The following ARHGEF6 variants were observed in gnomAD, a reference collection of about 807,000 sequenced individuals.
ARHGEF6 encodes the protein rho guanine nucleotide exchange factor 6.
In ARHGEF6, 9 loss-of-function variants were observed where a neutral mutation model predicts 70.3. The observed-to-expected ratio is 0.13, with a 90% CI of 0.08 to 0.22. ARHGEF6 has a LOEUF of 0.22. Ranked by LOEUF, ARHGEF6 falls within the 10% of genes least tolerant of loss-of-function variation. ARHGEF6 has a pLI of 1.00. For missense variants in ARHGEF6, 470 were observed against 563.0 expected (o/e 0.83, Z 1.67); for synonymous variants, 201 against 207.8 (o/e 0.97, Z 0.28).
At chrX:136,701,035 CAGTG>C (rs1338619916) in intron 9 of ARHGEF6, among the ~76,000 whole-genome samples, 3 of 111,342 alleles carry the variant, frequency 2.7e-5, no homozygotes, top group Non-Finnish European at 5.7e-5. Flanking sequence ...GCTGAGGAAA[CAGTG>C]AGCTTCAAGA....
chrX:136,777,597 T>C (rs5930989), intron 2 of ARHGEF6, among the ~76,000 whole-genome samples: 28,953 of 110,199 alleles, frequency 0.26, 2,880 homozygotes, highest in South Asian at 0.41. Context: ...TACTACTGAG[T>C]ATCTACCCAG....
intron 2 of ARHGEF6, among the ~76,000 whole-genome samples, chrX:136,772,314 A>G (rs2077369076): frequency 8.9e-6 from 1 of 112,296 alleles, no homozygotes; most frequent in African/African-American, 3.2e-5. Flanking sequence ...AAAAAAATTG[A>G]AAGAATGAAT....
intron 16 of ARHGEF6, among the ~76,000 whole-genome samples, chrX:136,678,158 G>C (rs1047014343): frequency 3.6e-5 from 4 of 111,579 alleles, no homozygotes; most frequent in Admixed American, 2.9e-4. Flanking sequence ...ACAGTTCTGT[G>C]CAGAATAACA....
intron 2 of ARHGEF6, among the ~76,000 whole-genome samples, chrX:136,772,043 G>A (rs1173217404): frequency 8.9e-6 from 1 of 112,378 alleles, no homozygotes; most frequent in Non-Finnish European, 1.9e-5. Flanking sequence ...TAAAGAAAAT[G>A]TGGTATGTAT....
chrX:136,772,032 A>C (rs2077367042), intron 2 of ARHGEF6, among the ~76,000 whole-genome samples: 1 of 112,413 alleles, frequency 8.9e-6, no homozygotes, highest in Non-Finnish European at 1.9e-5. Flanking sequence ...AAATGAATGG[A>C]TAAAGAAAAT....
rs1222362897 is a variant in ARHGEF6, at chrX:136,669,533, G to C, written c.2139C>G (p.Ser713Arg). 1.7e-6 allele frequency: 2 copies of C among 1,204,738 alleles called. No individual in the cohort carries two copies. Among genetic ancestry groups the C allele is most frequent in the Non-Finnish European group, 2.2e-6 (2 of 889,347 alleles). The change falls in exon 21 of 22, where the codon AGC (serine) becomes AGG (arginine). Residue 713 changes from serine to arginine, a missense_variant. By Grantham distance (110) the Ser-to-Arg change is moderately radical. Coordinates refer to ENST00000250617, the MANE Select transcript of ARHGEF6 (RefSeq NM_004840.3). ...TCAAGGCGTAAACAGTATCAACAAG[G>C]CTCCTAGAAAATAAAGATAAAATTC... The part of the protein sequence containing the change: ...SNGQTIMEEK[S>R]LVDTVYALKD...
chrX:136,727,295 G>A, intron 6 of ARHGEF6, among the ~76,000 whole-genome samples: 1 of 107,602 alleles, frequency 9.3e-6, no homozygotes, highest in Non-Finnish European at 1.9e-5. Context: ...GTGTGGCCCA[G>A]ATGTCTGTAG....
chrX:136,670,336 C>A (rs923752318), intron 20 of ARHGEF6, among the ~76,000 whole-genome samples: 1 of 111,646 alleles, frequency 9.0e-6, no homozygotes, highest in Admixed American at 9.5e-5. Context: ...TCAACAAAGG[C>A]GGAAAAAGAA....
chrX:136,684,913 G>A (rs1201147965), intron 12 of ARHGEF6, among the ~76,000 whole-genome samples: 2 of 111,679 alleles, frequency 1.8e-5, no homozygotes, highest in Non-Finnish European at 3.8e-5. Flanking sequence ...TATATAGGTC[G>A]CAGATTAGTG....
intron 2 of ARHGEF6, among the ~76,000 whole-genome samples, chrX:136,778,775 G>A (rs776429188): frequency 1.8e-5 from 2 of 111,367 alleles, no homozygotes; most frequent in South Asian, 7.5e-4. Flanking sequence ...CATCATGCCC[G>A]GCCTTATTTG....
At chrX:136,682,166 C>T (rs971484614) in intron 13 of ARHGEF6, among the ~76,000 whole-genome samples, 198 bp from the exon 14 acceptor site, 14 of 111,906 alleles carry the variant, frequency 1.3e-4, no homozygotes, top group African/African-American at 4.2e-4. Context: ...TTGTGTTTGG[C>T]TAACACACCC....
At chrX:136,741,535 T>G (rs759362044) in intron 5 of ARHGEF6, among the ~76,000 whole-genome samples, 48 of 108,592 alleles carry the variant, frequency 4.4e-4, no homozygotes, top group African/African-American at 1.3e-3. Context: ...CTTTTTTTTT[T>G]TTTGTGTGTG....
chrX:136,721,424 G>T (rs1222890905), intron 6 of ARHGEF6, among the ~76,000 whole-genome samples: 12 of 110,816 alleles, frequency 1.1e-4, no homozygotes, highest in Non-Finnish European at 2.1e-4. Context: ...TTAGCCAGGT[G>T]TGGTGGTGCA....
At chrX:136,670,474 G>A (rs958019997) in intron 20 of ARHGEF6, among the ~76,000 whole-genome samples, 1 of 111,511 alleles carries the variant, frequency 9.0e-6, no homozygotes, top group Non-Finnish European at 1.9e-5. Flanking sequence ...CATGCAGAGG[G>A]CCAACTGTAG....
At chrX:136,752,992 T>A (rs1220291705) in intron 2 of ARHGEF6, among the ~76,000 whole-genome samples, 1 of 112,020 alleles carries the variant, frequency 8.9e-6, no homozygotes, top group African/African-American at 3.3e-5. Flanking sequence ...CATATTTCAC[T>A]GGGTGGTACC....
chrX:136,707,458 TTTAAA>T (rs1175946267), intron 8 of ARHGEF6, among the ~76,000 whole-genome samples: 1 of 112,272 alleles, frequency 8.9e-6, no homozygotes, highest in Non-Finnish European at 1.9e-5. Context: ...CTCAAAAGTT[TTTAAA>T]TTAATGTTTT....
At chrX:136,763,992 A>G (rs1569423533) in intron 2 of ARHGEF6, among the ~76,000 whole-genome samples, 3 of 111,419 alleles carry the variant, frequency 2.7e-5, no homozygotes, top group Admixed American at 1.9e-4. Context: ...AAGCTGCCCA[A>G]TTTTGCTGAG....
rs779377373 is a variant in ARHGEF6, at chrX:136,669,288, T to C, written c.2190+194A>G. 1.2e-4 allele frequency among the ~76,000 whole-genome samples: 13 copies of C among 111,948 alleles called. No individual in the cohort carries two copies. In the East Asian group the frequency reaches 3.6e-3, roughly 31 times the overall value. ...TCTATTGTGAACTACTACATAGAAA[T>C]ACAAGCAAGCCTCGGAAATTTAAAT... On this transcript the variant is annotated intron_variant, in intron 21 of 21. Coordinates refer to ENST00000250617, the MANE Select transcript of ARHGEF6 (RefSeq NM_004840.3).
intron 2 of ARHGEF6, among the ~76,000 whole-genome samples, chrX:136,778,505 G>C (rs73228710): frequency 1.3e-3 from 131 of 100,120 alleles, no homozygotes; most frequent in South Asian, 8.4e-3. Context: ...TTTTTTTTTC[G>C]AGACAAGGTC....
Sources: allele counts gnomAD v4.1 joint callset (sites outside exome capture counted in the v4.1 genomes callset), GRCh38; gene constraint gnomAD v4.1.1; transcripts MANE v1.5; gene names NCBI Gene and HGNC (gene_info 2026-07-23, HGNC 2026-07-21).